HS2ST1: variants seen among roughly 807,000 people sequenced by gnomAD.
The protein encoded by HS2ST1 is heparan sulfate 2-O-sulfotransferase 1, also known as 2-O-sulfotransferase.
Under a neutral mutation model 42.9 loss-of-function variants are expected in HS2ST1, and 18 were observed. The observed-to-expected ratio is 0.42, with a 90% confidence interval of 0.29 to 0.62. The LOEUF is 0.62. HS2ST1 is among the 20% of genes least tolerant of loss of function. The probability of loss-of-function intolerance (pLI) is 0.21; values close to 1 mark genes in which losing one functional copy is unlikely to be tolerated. For synonymous variants in HS2ST1, 146 were observed against 152.9 expected (o/e 0.95, Z 0.33); for missense variants, 334 against 433.8 (o/e 0.77, Z 2.04).
At chr1:87,086,358 C>A (rs1031402772) in intron 3 of HS2ST1, among the ~76,000 whole-genome samples, 1 of 152,126 alleles carries the variant, frequency 6.6e-6, no homozygotes, top group Non-Finnish European at 1.5e-5. Flanking sequence ...TGAAAAAAAT[C>A]TATGTATGCA....
intron 1 of HS2ST1, among the ~76,000 whole-genome samples, chr1:87,003,502 C>A (rs1214813785): frequency 6.6e-6 from 1 of 152,110 alleles, no homozygotes; most frequent in Non-Finnish European, 1.5e-5. Context: ...CTTAGAGTTG[C>A]ATATTCTGGG....
chr1:86,990,812 T>TATATATATATATA (rs1553135487), intron 1 of HS2ST1, among the ~76,000 whole-genome samples: 9 of 10,238 alleles, frequency 8.8e-4, no homozygotes, highest in Non-Finnish European at 1.8e-3. Context: ...CTGGCTAATT[T>TATATATATATATA]TATATATATA....
chr1:87,014,154 T>A (rs546457822), intron 1 of HS2ST1, among the ~76,000 whole-genome samples: 1 of 152,314 alleles, frequency 6.6e-6, no homozygotes, highest in South Asian at 2.1e-4. Flanking sequence ...CAATTTACTG[T>A]ATTAGTCTGT....
intron 1 of HS2ST1, among the ~76,000 whole-genome samples, chr1:86,957,131 C>T (rs1438139368): frequency 6.6e-6 from 1 of 152,130 alleles, no homozygotes; most frequent in Non-Finnish European, 1.5e-5. Flanking sequence ...AGTTTCTAGA[C>T]ATTTATAGTC....
chr1:87,074,900 A>G (rs1464207235), intron 2 of HS2ST1, among the ~76,000 whole-genome samples: 3 of 152,058 alleles, frequency 2.0e-5, no homozygotes, highest in African/African-American at 4.8e-5. Flanking sequence ...TATATACCCT[A>G]TCTCCAGTTT....
At chr1:87,036,509 A>C (rs1370072834) in intron 1 of HS2ST1, among the ~76,000 whole-genome samples, 1 of 152,146 alleles carries the variant, frequency 6.6e-6, no homozygotes, top group Non-Finnish European at 1.5e-5. Context: ...TGGAGGGAGG[A>C]TATTCCAAGT....
intron 1 of HS2ST1, among the ~76,000 whole-genome samples, chr1:87,069,289 C>T (rs1042669646): frequency 3.9e-5 from 6 of 152,288 alleles, no homozygotes; most frequent in South Asian, 4.1e-4. Context: ...GAAAACATTA[C>T]GACAAAATGT....
intron 1 of HS2ST1, among the ~76,000 whole-genome samples, chr1:86,925,067 C>T (rs1660386383): frequency 6.6e-6 from 1 of 152,180 alleles, no homozygotes; most frequent in East Asian, 1.9e-4. Flanking sequence ...ATTTCTTTCA[C>T]CAGAAACCCT....
intron 1 of HS2ST1, among the ~76,000 whole-genome samples, chr1:87,008,950 C>G: frequency 6.6e-6 from 1 of 152,054 alleles, no homozygotes; most frequent in East Asian, 1.9e-4. Flanking sequence ...CTCAAGTGAT[C>G]CGCCTGCCTC....
intron 1 of HS2ST1, among the ~76,000 whole-genome samples, chr1:86,963,736 G>T (rs1647929584): frequency 9.0e-6 from 1 of 111,524 alleles, no homozygotes; most frequent in African/African-American, 3.2e-5. Context: ...GGGCGGCCAG[G>T]CAGAGGCGCC....
chr1:86,937,316 T>A (rs1422592773), intron 1 of HS2ST1, among the ~76,000 whole-genome samples: 2 of 152,180 alleles, frequency 1.3e-5, no homozygotes, highest in African/African-American at 4.8e-5. Flanking sequence ...CCTAAATATG[T>A]CAAAATTTAC....
At chr1:87,037,409 C>G (rs1650406414) in intron 1 of HS2ST1, among the ~76,000 whole-genome samples, 1 of 151,310 alleles carries the variant, frequency 6.6e-6, no homozygotes, top group African/African-American at 2.4e-5. Flanking sequence ...ATTATATGGC[C>G]CAATAAATCT....
chr1:86,926,994 A>G (rs1660435434), intron 1 of HS2ST1, among the ~76,000 whole-genome samples: 1 of 152,216 alleles, frequency 6.6e-6, no homozygotes, highest in Admixed American at 6.5e-5. Context: ...AGCTGAGTCT[A>G]AGAGGAAGAC....
chr1:87,008,714 T>C (rs1216711996), intron 1 of HS2ST1, among the ~76,000 whole-genome samples: 1 of 152,218 alleles, frequency 6.6e-6, no homozygotes, highest in Non-Finnish European at 1.5e-5. Context: ...TTTGACTGGC[T>C]CAAGAAGGTT....
At position 87,107,888 on chromosome 1, in the gene HS2ST1, T is replaced by C. The variant is rs570785068; in HGVS notation, c.*3192T>C. 2.6e-5 allele frequency: 4 copies of C among 152,220 alleles called. No homozygotes were observed. In the East Asian group the frequency reaches 7.7e-4, roughly 29 times the overall value. 9.4% of individuals were successfully genotyped at this position (152,220 alleles called of 1,614,324 possible). A position where few individuals can be genotyped will look rare whatever the true frequency, so the allele number is the denominator to read the frequency against. ...GGGGATTACTTTCCTATCATCCATA[T>C]GCATTTGTGCAACTTCAAACATATT... On this transcript the variant is annotated 3_prime_UTR_variant, in exon 7 of 7. Transcript: ENST00000370550.
intron 1 of HS2ST1, among the ~76,000 whole-genome samples, chr1:87,059,670 T>C (rs1418761812): frequency 6.6e-6 from 1 of 152,162 alleles, no homozygotes; most frequent in Non-Finnish European, 1.5e-5. Flanking sequence ...ATTTTAAAAA[T>C]AGATACTTGG....
intron 1 of HS2ST1, among the ~76,000 whole-genome samples, chr1:87,060,782 A>G (rs1014614890): frequency 1.3e-4 from 20 of 152,186 alleles, no homozygotes; most frequent in African/African-American, 4.8e-4. Context: ...GCCATAGCCA[A>G]GCTTGGCAAG....
At chr1:86,947,189 G>A (rs1647363434) in intron 1 of HS2ST1, among the ~76,000 whole-genome samples, 1 of 152,174 alleles carries the variant, frequency 6.6e-6, no homozygotes, top group Non-Finnish European at 1.5e-5. Context: ...ATCTTCCAAG[G>A]TTTTTGCTAA....
At chr1:87,032,516 A>T (rs1389391750) in intron 1 of HS2ST1, among the ~76,000 whole-genome samples, 1 of 151,970 alleles carries the variant, frequency 6.6e-6, no homozygotes, top group Non-Finnish European at 1.5e-5. Context: ...TACGTTTGAA[A>T]CTCCCTTTTT....
Sources: gnomAD v4.1 joint callset for allele counts (sites outside exome capture counted in the v4.1 genomes callset) on GRCh38, gnomAD v4.1.1 for gene constraint, MANE v1.5 for transcripts, NCBI Gene and HGNC (gene_info 2026-07-23, HGNC 2026-07-21) for gene names.